GPC5: variants seen among roughly 807,000 people sequenced by gnomAD.
GPC5 encodes glypican 5, also known as glypican-5.
A neutral mutation model predicts 53.9 loss-of-function variants in GPC5; 47 were observed. The observed-to-expected ratio is 0.87, with a 90% CI of 0.69 to 1.11. The LOEUF is 1.11. Ranked by LOEUF, GPC5 falls within the 50% of genes most tolerant of loss-of-function variation. The pLI, the probability that GPC5 is intolerant of heterozygous loss-of-function variation, is 0.00. For synonymous variants in GPC5, 286 were observed against 263.3 expected, an observed-to-expected ratio of 1.09 and a Z score of -0.84; for missense variants, 748 against 713.1, an observed-to-expected ratio of 1.05 and a Z score of -0.56.
At chr13:92,028,199 G>A (rs1021217449) in intron 6 of GPC5, among the ~76,000 whole-genome samples, 1 of 152,018 alleles carries the variant, frequency 6.6e-6, no homozygotes, top group Admixed American at 6.6e-5. Context: ...TGCTTGCACG[G>A]GAGGGGGAAT....
chr13:92,363,386 C>G (rs557643120), intron 7 of GPC5, among the ~76,000 whole-genome samples: 4 of 151,518 alleles, frequency 2.6e-5, no homozygotes, highest in Admixed American at 6.6e-5. Context: ...TTCTGCAGGA[C>G]GGAGGGTAGA....
chr13:91,975,884 A>G (rs1377258677), intron 6 of GPC5, among the ~76,000 whole-genome samples: 3 of 152,234 alleles, frequency 2.0e-5, no homozygotes, highest in Non-Finnish European at 4.4e-5. Flanking sequence ...ATGCCCAACA[A>G]TGATAGACTG....
chr13:92,557,799 T>C (rs1882550654), intron 7 of GPC5, among the ~76,000 whole-genome samples: 1 of 151,914 alleles, frequency 6.6e-6, no homozygotes, highest in Non-Finnish European at 1.5e-5. Flanking sequence ...TCACCCTCAA[T>C]CAGCACTTAG....
chr13:92,745,686 T>TG (rs1474069084), intron 7 of GPC5, among the ~76,000 whole-genome samples: 2 of 152,116 alleles, frequency 1.3e-5, no homozygotes, highest in African/African-American at 4.8e-5. Flanking sequence ...TTCTTAGCTC[T>TG]TGGTATTCCA....
chr13:91,930,321 A>T (rs984245271), intron 6 of GPC5, among the ~76,000 whole-genome samples: 6 of 152,094 alleles, frequency 3.9e-5, no homozygotes, highest in Non-Finnish European at 7.4e-5. Flanking sequence ...AAATGAAAGG[A>T]ATAAAGAAAA....
intron 6 of GPC5, among the ~76,000 whole-genome samples, chr13:92,057,239 C>G (rs1047741051): frequency 2.0e-5 from 3 of 152,016 alleles, no homozygotes; most frequent in African/African-American, 7.2e-5. Context: ...AGAGGAAGCT[C>G]AAGGTAGCCA....
intron 7 of GPC5, among the ~76,000 whole-genome samples, chr13:92,628,175 C>T (rs1885106435): frequency 6.6e-6 from 1 of 151,696 alleles, no homozygotes; most frequent in Admixed American, 6.6e-5. Flanking sequence ...TCCTTCACCA[C>T]CTAATAGTCA....
chr13:91,483,990 T>C (rs986864599), intron 2 of GPC5, among the ~76,000 whole-genome samples: 2 of 152,216 alleles, frequency 1.3e-5, no homozygotes, highest in African/African-American at 4.8e-5. Flanking sequence ...ACATCCATAT[T>C]AATTTTTAGA....
intron 6 of GPC5, among the ~76,000 whole-genome samples, chr13:92,070,732 T>A (rs1244291348): frequency 6.6e-6 from 1 of 152,230 alleles, no homozygotes; most frequent in Non-Finnish European, 1.5e-5. Flanking sequence ...TCCATTTTTT[T>A]CTTTCATTCT....
At chr13:92,365,100 A>C (rs2043597457) in intron 7 of GPC5, among the ~76,000 whole-genome samples, 1 of 151,740 alleles carries the variant, frequency 6.6e-6, no homozygotes, top group Non-Finnish European at 1.5e-5. Flanking sequence ...TGAGAAATGC[A>C]GTGTTAGGCG....
intron 5 of GPC5, among the ~76,000 whole-genome samples, chr13:91,806,021 ATTTTTTTTTTTTTT>A (rs71113764): frequency 8.2e-5 from 4 of 48,610 alleles, no homozygotes; most frequent in African/African-American, 3.5e-4. Flanking sequence ...AAATACAATA[ATTTTTTTTTTTTTT>A]TTTTTTTTTT....
chr13:91,949,832 C>G (rs1382450747), intron 6 of GPC5, among the ~76,000 whole-genome samples: 1 of 151,050 alleles, frequency 6.6e-6, no homozygotes, highest in Non-Finnish European at 1.5e-5. Flanking sequence ...GAAAAAAATT[C>G]TTGTATTATT....
intron 7 of GPC5, among the ~76,000 whole-genome samples, chr13:92,484,901 A>AT (rs200486081): frequency 0.039 from 5,943 of 151,452 alleles, 394 homozygotes; most frequent in African/African-American, 0.14. Context: ...TGCCCGGCTA[A>AT]TTTTTTTTGT....
intron 1 of GPC5, among the ~76,000 whole-genome samples, chr13:91,447,329 CTT>C (rs777903840): frequency 1.5e-5 from 2 of 137,470 alleles, no homozygotes; most frequent in South Asian, 2.3e-4. Flanking sequence ...GAGAAGATAG[CTT>C]TTTTTTTTTT....
chr13:92,202,331 T>C (rs1202552106), intron 7 of GPC5, among the ~76,000 whole-genome samples: 1 of 152,182 alleles, frequency 6.6e-6, no homozygotes, highest in African/African-American at 2.4e-5. Context: ...TTTCTTAACC[T>C]TCAAAGTGTT....
intron 6 of GPC5, among the ~76,000 whole-genome samples, chr13:91,970,648 C>CTAAT (rs1566370438): frequency 1.3e-5 from 2 of 151,924 alleles, no homozygotes; most frequent in African/African-American, 2.4e-5. Context: ...ACATCAATAC[C>CTAAT]TAATTTATTG....
intron 7 of GPC5, among the ~76,000 whole-genome samples, chr13:92,838,483 C>CG (rs1370237837): frequency 1.4e-5 from 2 of 145,238 alleles, no homozygotes; most frequent in East Asian, 4.0e-4. Context: ...ACTCCGCGCC[C>CG]CCCCCAAAAA....
intron 7 of GPC5, among the ~76,000 whole-genome samples, chr13:92,195,304 GTAT>G (rs1160964101): frequency 2.0e-5 from 3 of 152,242 alleles, no homozygotes; most frequent in Admixed American, 1.3e-4. Flanking sequence ...TCAGCGTCTG[GTAT>G]TATAAATTTA....
intron 7 of GPC5, among the ~76,000 whole-genome samples, chr13:92,589,528 G>C (rs563110991): frequency 6.6e-6 from 1 of 152,238 alleles, no homozygotes; most frequent in African/African-American, 2.4e-5. Flanking sequence ...CATAAAAAAT[G>C]TTTTATTCTT....
Sources: allele counts gnomAD v4.1 joint callset (sites outside exome capture counted in the v4.1 genomes callset), GRCh38; gene constraint gnomAD v4.1.1; transcripts MANE v1.5; gene names NCBI Gene and HGNC (gene_info 2026-07-23, HGNC 2026-07-21).